The following CUX1 variants were observed in gnomAD, a reference collection of about 807,000 sequenced individuals.
The protein encoded by CUX1 is protein CASP.
Under a neutral mutation model 158.8 loss-of-function variants are expected in CUX1, and 31 were observed. The ratio of observed to expected loss-of-function variants is 0.20; its 90% CI spans 0.15 to 0.26. The LOEUF (loss-of-function observed/expected upper bound fraction) is 0.26. CUX1 is among the 10% of genes least tolerant of loss of function. CUX1 has a pLI of 1.00. For synonymous variants in CUX1, 879 were observed against 862.1 expected (o/e 1.02, Z -0.34); for missense variants, 1,589 against 2,014.6 (o/e 0.79, Z 4.04).
intron 2 of CUX1, among the ~76,000 whole-genome samples, chr7:102,013,935 G>C (rs572974085): frequency 1.2e-4 from 19 of 152,058 alleles, no homozygotes; most frequent in Non-Finnish European, 2.5e-4. Flanking sequence ...GAACTCCTGG[G>C]CTCAAGCAAT....
At chr7:102,237,701 A>G (rs781936082) in intron 22 of CUX1, among the ~76,000 whole-genome samples, 2 of 152,148 alleles carry the variant, frequency 1.3e-5, no homozygotes, top group Non-Finnish European at 2.9e-5. Context: ...TGGAGACGAG[A>G]GAGTATAGAA....
At chr7:102,170,679 C>A in intron 10 of CUX1, 129 bp downstream of exon 10, 1 of 635,816 alleles carries the variant, frequency 1.6e-6, no homozygotes. Flanking sequence ...ACTGCTTTCT[C>A]GGTGGGGTTT....
chr7:102,178,491 C>T lies in CUX1; in HGVS notation c.851C>T (p.Thr284Ile), dbSNP rs782041261. The T allele has an allele frequency of 6.2e-7, 1 of 1,609,240 alleles. No homozygotes were observed. Among genetic ancestry groups the T allele is most frequent in the South Asian group, 1.1e-5 (1 of 90,814 alleles). ...CAGGAGCAGGCCATAGAGGTGCTGA[C>T]CCGCTCCAGCCTAGAAGTTGAGTTG... Reference protein sequence around the residue: ...PDVEQAIEVLTRSSLEVELAA... With the variant: ...PDVEQAIEVLIRSSLEVELAA... Residue 284 changes from threonine (T) to isoleucine (I), a missense_variant, in exon 11 of 24, where the codon ACC becomes ATC. Transcript: ENST00000292535.
At chr7:101,844,630 T>G (rs992378851) in intron 1 of CUX1, among the ~76,000 whole-genome samples, 1 of 152,182 alleles carries the variant, frequency 6.6e-6, no homozygotes, top group South Asian at 2.1e-4. Flanking sequence ...CTTTTTGTTT[T>G]TCCGAGACAG....
At position 102,236,665 on chromosome 7, in the gene CUX1, C is replaced by T. The variant is rs1338829857; in HGVS notation, c.3622+2425C>T. ...CCCAATAGATCTGTGCAGAGTTTCC[C>T]GTGATCCCCTCACCCGAGCAGCGTG... On this transcript the variant is annotated intron_variant, in intron 22 of 23. Coordinates refer to ENST00000292535, the MANE Select transcript of CUX1 (RefSeq NM_181552.4). 3.9e-5 allele frequency among the ~76,000 whole-genome samples: 6 copies of T among 152,216 alleles called. No homozygotes were observed. The East Asian group carries it at 1.2e-3, about 29-fold the overall frequency.
chr7:101,934,569 C>T (rs1806696789), intron 2 of CUX1, among the ~76,000 whole-genome samples: 1 of 152,202 alleles, frequency 6.6e-6, no homozygotes, highest in African/African-American at 2.4e-5. Flanking sequence ...CCGAGCCTCT[C>T]ATGAGTTAAA....
chr7:101,863,621 G>A (rs1402888257), intron 1 of CUX1, among the ~76,000 whole-genome samples: 1 of 152,212 alleles, frequency 6.6e-6, no homozygotes, highest in African/African-American at 2.4e-5. Context: ...ACAGTGTGGG[G>A]ATTACAGGTG....
At chr7:102,069,647 G>A (rs1057482471) in intron 3 of CUX1, among the ~76,000 whole-genome samples, 1 of 152,172 alleles carries the variant, frequency 6.6e-6, no homozygotes, top group Non-Finnish European at 1.5e-5. Context: ...TACTTGGGAG[G>A]CTGAGGGCAA....
At chr7:101,853,270 T>C (rs1363660623) in intron 1 of CUX1, among the ~76,000 whole-genome samples, 2 of 152,196 alleles carry the variant, frequency 1.3e-5, no homozygotes, top group African/African-American at 2.4e-5. Context: ...GCTTAAGTAG[T>C]ATATGATTAC....
At chr7:101,846,070 G>T (rs550331140) in intron 1 of CUX1, among the ~76,000 whole-genome samples, 1 of 152,076 alleles carries the variant, frequency 6.6e-6, no homozygotes, top group East Asian at 1.9e-4. Context: ...GACAGAATCT[G>T]CATTTTTATG....
intron 4 of CUX1, among the ~76,000 whole-genome samples, chr7:102,088,932 C>T (rs1225042643): frequency 6.6e-6 from 1 of 152,124 alleles, no homozygotes; most frequent in Admixed American, 6.6e-5. Context: ...CATTTTGCCA[C>T]TGTTTCTTCA....
chr7:102,168,896 T>C (rs1461495438), intron 9 of CUX1, among the ~76,000 whole-genome samples: 8 of 124,856 alleles, frequency 6.4e-5, no homozygotes, highest in Admixed American at 3.2e-4. Context: ...TTCTTTTCTT[T>C]TCTTTTCTTT....
At chr7:101,944,705 G>C (rs1489317720) in intron 2 of CUX1, among the ~76,000 whole-genome samples, 1 of 152,204 alleles carries the variant, frequency 6.6e-6, no homozygotes, top group East Asian at 1.9e-4. Flanking sequence ...GTATGTTCAT[G>C]GGTGATTCTG....
chr7:102,010,686 A>G (rs1197454411), intron 2 of CUX1, among the ~76,000 whole-genome samples: 3 of 152,228 alleles, frequency 2.0e-5, no homozygotes, highest in Non-Finnish European at 4.4e-5. Flanking sequence ...CATTTATAGG[A>G]TGAAGAGGTG....
chr7:102,085,251 A>T (rs543106830), intron 4 of CUX1, among the ~76,000 whole-genome samples: 27 of 152,262 alleles, frequency 1.8e-4, no homozygotes, highest in African/African-American at 4.3e-4. Context: ...GCATTTTATA[A>T]TATATTTTGT....
intron 1 of CUX1, among the ~76,000 whole-genome samples, chr7:101,820,579 C>T (rs967665461): frequency 6.6e-6 from 1 of 152,100 alleles, no homozygotes; most frequent in Non-Finnish European, 1.5e-5. Context: ...TGAAAAGTGA[C>T]TTTTATTATA....
intron 20 of CUX1, among the ~76,000 whole-genome samples, chr7:102,218,760 CAT>C (rs1345957766): frequency 1.3e-5 from 2 of 151,868 alleles, no homozygotes; most frequent in Admixed American, 6.6e-5. Flanking sequence ...AACCTAAAAA[CAT>C]ATATTGTTGG....
At chr7:102,072,455 C>T (rs138104340) in intron 4 of CUX1, among the ~76,000 whole-genome samples, 2 of 152,186 alleles carry the variant, frequency 1.3e-5, no homozygotes, top group Admixed American at 6.5e-5. Context: ...TCTATGCGAA[C>T]GAAGACTTGG....
In CUX1 at chr7:101,962,935, G is replaced by T. The variant is rs1275571051; in HGVS notation, c.141+46710G>T. On this transcript the variant is annotated intron_variant, in intron 2 of 23. Transcript: ENST00000292535. Reference sequence around the variant, plus strand: ...AGGGTCTTGCCATGTTGCCCAGGCTGGACTCAAACTCCTGGCCTCAAGTGA... The same window carrying T: ...AGGGTCTTGCCATGTTGCCCAGGCTTGACTCAAACTCCTGGCCTCAAGTGA... Among the ~76,000 whole-genome samples the T allele has an allele frequency of 3.3e-5, 5 of 152,054 alleles. No homozygotes were observed. The East Asian group carries it at 7.7e-4, about 23-fold the overall frequency.
Sources: gnomAD v4.1 joint callset for allele counts (sites outside exome capture counted in the v4.1 genomes callset) on GRCh38, gnomAD v4.1.1 for gene constraint, MANE v1.5 for transcripts, NCBI Gene and HGNC (gene_info 2026-07-23, HGNC 2026-07-21) for gene names.